The following BNC2 variants were observed in gnomAD, a reference collection of about 807,000 sequenced individuals.
The protein encoded by BNC2 is basonuclin zinc finger protein 2, also known as zinc finger protein basonuclin-2.
BNC2 carries 20 observed loss-of-function variants against 76.3 expected under a neutral mutation model. The ratio of observed to expected loss-of-function variants is 0.26; its 90% CI spans 0.18 to 0.38. The LOEUF is 0.38. BNC2 is among the 10% of genes least tolerant of loss of function. The pLI, the probability that BNC2 is intolerant of heterozygous loss-of-function variation, is 1.00. For synonymous variants in BNC2, 582 were observed against 514.8 expected (o/e 1.13, Z -1.77); for missense variants, 1,382 against 1,399.8 (o/e 0.99, Z 0.20).
intron 5 of BNC2, among the ~76,000 whole-genome samples, chr9:16,458,516 T>C (rs1015632402): frequency 5.3e-5 from 8 of 152,244 alleles, no homozygotes; most frequent in African/African-American, 1.7e-4. Context: ...AAATATGATA[T>C]ACCCTACTTA....
chr9:16,809,360 T>A (rs1817990821), intron 1 of BNC2, among the ~76,000 whole-genome samples: 2 of 151,932 alleles, frequency 1.3e-5, no homozygotes, highest in South Asian at 4.2e-4. Context: ...AATTTTTTTT[T>A]ATGGAAAAAA....
In BNC2 at chr9:16,419,537, C is replaced by T. The variant is rs756964014; in HGVS notation, c.2752G>A (p.Val918Met). 2 of 1,614,084 alleles carry T rather than the reference C, an allele frequency of 1.2e-6. No homozygotes were observed. Among genetic ancestry groups the T allele is most frequent in the Non-Finnish European group, 8.5e-7 (1 of 1,180,016 alleles). ...LSKDLRDEFL[V>M]KIYGAQHPMG... The stretch of plus-strand genomic sequence containing the variant: ...GGGTGCTGGGCACCATATATCTTCA[C>T]CAAAAATTCATCGCGGAGGTCCTTG... Residue 918 changes from valine to methionine, a missense_variant, in exon 7 of 7, where the codon GTG (valine) becomes ATG (methionine). This residue lies in a region of BNC2 where 798 missense variants were observed against 775.5 expected (regional missense o/e 1.03). Coordinates refer to ENST00000380672, the MANE Select transcript of BNC2 (RefSeq NM_017637.6).
chr9:16,545,236 T>G (rs1446848080), intron 5 of BNC2, among the ~76,000 whole-genome samples: 1 of 152,200 alleles, frequency 6.6e-6, no homozygotes, highest in African/African-American at 2.4e-5. Context: ...TACAGTGAAA[T>G]CCAGGATTTA....
In BNC2 at chr9:16,665,482, GAA is replaced by G. The variant is rs1563888062; in HGVS notation, c.330+62313_330+62314del. On this transcript the variant is annotated intron_variant, in intron 3 of 6. Coordinates refer to ENST00000380672, the MANE Select transcript of BNC2 (RefSeq NM_017637.6). ...AGAAAGAAAGAAAGAAAGAAAGAAA[GAA>G]AGAAAGAGAGAGAGAGAAATCACAG... is the stretch of plus-strand genomic sequence containing the variant. Among the ~76,000 whole-genome samples, 294 of 130,384 alleles carry G rather than the reference GAA, an allele frequency of 2.3e-3. 1 individual carries two copies. The highest frequency in any genetic ancestry group is 8.2e-3 in the African/African-American group (256 of 31,238). The allele number at this position is 130,384 out of a possible 152,430, so 85.5% of individuals were successfully genotyped here.
chr9:16,649,414 C>T (rs749438378), intron 3 of BNC2, among the ~76,000 whole-genome samples: 10 of 152,236 alleles, frequency 6.6e-5, no homozygotes, highest in South Asian at 4.1e-4. Flanking sequence ...AGTCCACTGG[C>T]GACAGATCTT....
At chr9:16,452,105 T>C (rs1821352800) in intron 5 of BNC2, among the ~76,000 whole-genome samples, 1 of 152,214 alleles carries the variant, frequency 6.6e-6, no homozygotes, top group Non-Finnish European at 1.5e-5. Context: ...GGCAGCATCA[T>C]TACTAGTACG....
At chr9:16,828,461 T>C (rs370137221) in intron 1 of BNC2, among the ~76,000 whole-genome samples, 6 of 152,178 alleles carry the variant, frequency 3.9e-5, no homozygotes, top group East Asian at 1.9e-4. Flanking sequence ...GGACCTGCTA[T>C]AGTTAGGTAG....
chr9:16,552,772 T>C lies in BNC2; in HGVS notation c.434-7A>G, dbSNP rs376247831. 23 of 1,612,420 alleles carry C rather than the reference T, an allele frequency of 1.4e-5. No individual in the cohort carries two copies. The highest frequency in any genetic ancestry group is 1.8e-5 in the Non-Finnish European group (21 of 1,178,630). On this transcript the variant is annotated splice_polypyrimidine_tract_variant and splice_region_variant and intron_variant, in intron 4 of 6. Coordinates refer to ENST00000380672, the MANE Select transcript of BNC2 (RefSeq NM_017637.6). ...GTGCTGAGCTTATCCAAGGCTGTGGTGGTCCCGCCAAAGTTCCAGAGATGG... is the reference window on the plus strand; with the variant it reads ...GTGCTGAGCTTATCCAAGGCTGTGGCGGTCCCGCCAAAGTTCCAGAGATGG...
At chr9:16,464,484 A>G (rs1821661518) in intron 5 of BNC2, among the ~76,000 whole-genome samples, 2 of 152,240 alleles carry the variant, frequency 1.3e-5, no homozygotes, top group South Asian at 4.1e-4. Context: ...ACAATATTAA[A>G]TAACTAGCAC....
intron 6 of BNC2, among the ~76,000 whole-genome samples, chr9:16,423,536 G>A (rs927674845): frequency 3.9e-5 from 6 of 152,192 alleles, no homozygotes; most frequent in South Asian, 4.1e-4. Flanking sequence ...TGTCCTGCAC[G>A]TAAAGTAGAA....
intron 1 of BNC2, among the ~76,000 whole-genome samples, chr9:16,824,188 G>A (rs185312011): frequency 2.0e-5 from 3 of 152,238 alleles, no homozygotes; most frequent in Admixed American, 1.3e-4. Context: ...TGTGTCTAAC[G>A]ACAGTGAGGA....
intron 5 of BNC2, among the ~76,000 whole-genome samples, chr9:16,499,074 A>G (rs955206074): frequency 1.3e-5 from 2 of 152,250 alleles, no homozygotes; most frequent in Admixed American, 1.3e-4. Context: ...CCACAATGTA[A>G]TCAAATTCCC....
chr9:16,780,248 A>C lies in BNC2; in HGVS notation c.4-41763T>G, dbSNP rs868778326. Among the ~76,000 whole-genome samples, 215 of 133,092 alleles carry C rather than the reference A, an allele frequency of 1.6e-3. 3 individuals carry two copies. Among genetic ancestry groups the C allele is most frequent in the African/African-American group, 6.6e-3 (195 of 29,466 alleles). The allele number at this position is 133,092 out of a possible 152,430, so 87.3% of individuals were successfully genotyped here. A position where few individuals can be genotyped will look rare whatever the true frequency, so the allele number is the denominator to read the frequency against. On this transcript the variant is annotated intron_variant, in intron 1 of 6. Transcript: ENST00000380672. The stretch of plus-strand genomic sequence containing the variant: ...AAGACTTCGTTTCAAAAAAAAAAAA[A>C]AAAAAAAACAAAAAAAAACTACTGA...
In BNC2 at chr9:16,412,056, T is replaced by C. The variant is rs1370793007; in HGVS notation, c.*6933A>G. Reference sequence around the variant, plus strand: ...GGCATTTTGGAATATAACATTTTCATGTATTCTTCCTTTGTACCTTTGGTC... The same window carrying C: ...GGCATTTTGGAATATAACATTTTCACGTATTCTTCCTTTGTACCTTTGGTC... On this transcript the variant is annotated 3_prime_UTR_variant, in exon 7 of 7. Transcript: ENST00000380672. 1 of 152,656 alleles carries C rather than the reference T, an allele frequency of 6.6e-6. No individual in the cohort carries two copies. Among genetic ancestry groups the C allele is most frequent in the African/African-American group, 2.4e-5 (1 of 41,462 alleles). The allele number at this position is 152,656 out of a possible 1,614,324, so 9.5% of individuals were successfully genotyped here.
At chr9:16,580,109 C>T (rs1819593478) in intron 4 of BNC2, 2 of 398,398 alleles carry the variant, frequency 5.0e-6, no homozygotes, top group African/African-American at 2.1e-5. Flanking sequence ...CTGTGTTTCA[C>T]CTCTGAGCAG....
chr9:16,655,059 G>A (rs1050860090), intron 3 of BNC2, among the ~76,000 whole-genome samples: 3 of 151,696 alleles, frequency 2.0e-5, no homozygotes, highest in East Asian at 1.9e-4. Context: ...ATCATTATAC[G>A]AATGATTAAA....
At chr9:16,525,264 AAACC>A (rs1817762627) in intron 5 of BNC2, among the ~76,000 whole-genome samples, 1 of 152,202 alleles carries the variant, frequency 6.6e-6, no homozygotes. Context: ...TAAAAAAAGA[AAACC>A]AACTACGCAA....
intron 1 of BNC2, among the ~76,000 whole-genome samples, chr9:16,781,548 G>A (rs1586879532): frequency 1.3e-5 from 2 of 152,280 alleles, no homozygotes; most frequent in South Asian, 4.1e-4. Flanking sequence ...TCGTTGTGTT[G>A]CCCATGCTGG....
At chr9:16,610,687 G>A (rs1399724331) in intron 3 of BNC2, among the ~76,000 whole-genome samples, 2 of 152,054 alleles carry the variant, frequency 1.3e-5, no homozygotes, top group Non-Finnish European at 1.5e-5. Context: ...ACCTTTCCTT[G>A]CTTCACAGTT....
Sources: gnomAD v4.1 joint callset for allele counts (sites outside exome capture counted in the v4.1 genomes callset) on GRCh38, gnomAD v4.1.1 for gene constraint, gnomAD v4.1.1 regional missense constraint, MANE v1.5 for transcripts, NCBI Gene and HGNC (gene_info 2026-07-23, HGNC 2026-07-21) for gene names.